LRBA: variants seen among roughly 807,000 people sequenced by gnomAD.
LRBA encodes the protein LPS responsive beige-like anchor protein.
A neutral mutation model predicts 330.0 loss-of-function variants in LRBA; 176 were observed. The ratio of observed to expected loss-of-function variants is 0.53; its 90% CI spans 0.47 to 0.60. LRBA has a LOEUF of 0.60. LRBA is among the 20% of genes least tolerant of loss of function. The pLI is 0.00. For missense variants in LRBA, 3,259 were observed against 3,444.8 expected, an observed-to-expected ratio of 0.95 and a Z score of 1.35; for synonymous variants, 1,230 against 1,193.0, an observed-to-expected ratio of 1.03 and a Z score of -0.64.
intron 19 of LRBA, 75 bp downstream of exon 19, chr4:150,871,270 T>C (rs926391944): frequency 2.6e-6 from 2 of 766,524 alleles, no homozygotes; most frequent in Non-Finnish European, 4.5e-6. Flanking sequence ...TAAATGATCT[T>C]ATTTACCTAC....
chr4:150,532,152 C>T (rs554022988), intron 40 of LRBA, among the ~76,000 whole-genome samples: 136 of 152,250 alleles, frequency 8.9e-4, no homozygotes, highest in Middle Eastern at 3.4e-3. Flanking sequence ...TCATTAATCT[C>T]GTCACCTTAT....
At chr4:150,502,200 C>A (rs558687200) in intron 40 of LRBA, among the ~76,000 whole-genome samples, 1 of 152,284 alleles carries the variant, frequency 6.6e-6, no homozygotes, top group South Asian at 2.1e-4. Context: ...TCAGAGCTCA[C>A]ACAGAATGTA....
At chr4:150,675,679 C>T (rs1164336794) in intron 37 of LRBA, among the ~76,000 whole-genome samples, 1 of 152,012 alleles carries the variant, frequency 6.6e-6, no homozygotes, top group African/African-American at 2.4e-5. Context: ...GATCCCACCA[C>T]TGCACTCCAA....
chr4:150,472,028 C>A (rs1374233690), intron 42 of LRBA, among the ~76,000 whole-genome samples: 1 of 151,924 alleles, frequency 6.6e-6, no homozygotes, highest in Non-Finnish European at 1.5e-5. Flanking sequence ...ATTAATAATT[C>A]ACTGCTTTAA....
intron 37 of LRBA, among the ~76,000 whole-genome samples, chr4:150,669,918 G>T (rs549812928): frequency 1.3e-5 from 2 of 152,220 alleles, no homozygotes; most frequent in African/African-American, 4.8e-5. Context: ...AGAAGACCAT[G>T]GAAGTGCTCT....
chr4:150,302,961 A>C (rs1330515912), intron 52 of LRBA, among the ~76,000 whole-genome samples, 169 bp from the exon 53 acceptor site: 1 of 152,178 alleles, frequency 6.6e-6, no homozygotes, highest in Non-Finnish European at 1.5e-5. Context: ...TGCTAACAAG[A>C]ACAACAAAAA....
At chr4:150,339,236 GA>G (rs1361447937) in intron 48 of LRBA, among the ~76,000 whole-genome samples, 31 of 152,084 alleles carry the variant, frequency 2.0e-4, no homozygotes, top group African/African-American at 7.5e-4. Context: ...AAAATTAAGA[GA>G]TTGGAGGTAC....
intron 36 of LRBA, among the ~76,000 whole-genome samples, chr4:150,723,982 A>G (rs934451890): frequency 6.6e-6 from 1 of 152,178 alleles, no homozygotes; most frequent in Non-Finnish European, 1.5e-5. Flanking sequence ...CTGCCTGTGG[A>G]AAGTGAAGAG....
intron 2 of LRBA, among the ~76,000 whole-genome samples, chr4:151,009,957 G>GGGACAGAGT (rs1338030146): frequency 1.3e-5 from 2 of 151,998 alleles, no homozygotes; most frequent in East Asian, 3.9e-4. Flanking sequence ...TCCAGCATGG[G>GGGACAGAGT]GGACAGAGTG....
intron 55 of LRBA, among the ~76,000 whole-genome samples, chr4:150,279,340 G>A (rs1477367342): frequency 3.3e-5 from 5 of 152,082 alleles, no homozygotes; most frequent in African/African-American, 1.2e-4. Flanking sequence ...GTACCTCCAA[G>A]CCTTGCTTTC....
chr4:150,298,914 A>G (rs2126831987), intron 53 of LRBA, among the ~76,000 whole-genome samples: 1 of 152,248 alleles, frequency 6.6e-6, no homozygotes, highest in Admixed American at 6.5e-5. Flanking sequence ...GATATTATTC[A>G]GATATCTAAA....
At chr4:150,965,347 T>C (rs920866594) in intron 2 of LRBA, among the ~76,000 whole-genome samples, 1 of 151,874 alleles carries the variant, frequency 6.6e-6, no homozygotes, top group African/African-American at 2.4e-5. Flanking sequence ...ATAAGAAAAA[T>C]TATCAGCAAA....
At chr4:151,002,196 CAA>C (rs143587760) in intron 2 of LRBA, among the ~76,000 whole-genome samples, 2 of 24,406 alleles carry the variant, frequency 8.2e-5, no homozygotes, top group Admixed American at 5.8e-4. Flanking sequence ...CATAAAACAG[CAA>C]AAAAAAAAAA....
At chr4:150,611,124 C>T (rs908866602) in intron 37 of LRBA, among the ~76,000 whole-genome samples, 8 of 152,042 alleles carry the variant, frequency 5.3e-5, no homozygotes, top group East Asian at 1.9e-4. Context: ...ACAATCTATA[C>T]GCAGAGACCA....
At chr4:150,270,054 G>T (rs1269550722) in intron 56 of LRBA, among the ~76,000 whole-genome samples, 2 of 152,194 alleles carry the variant, frequency 1.3e-5, no homozygotes, top group Admixed American at 6.5e-5. Context: ...GAGAGACCAC[G>T]CCTGTTAGGA....
intron 40 of LRBA, among the ~76,000 whole-genome samples, chr4:150,551,365 T>C (rs190776972): frequency 1.3e-5 from 2 of 152,252 alleles, no homozygotes; most frequent in African/African-American, 4.8e-5. Context: ...TGGATAAACA[T>C]ATTCAACGAC....
At chr4:150,395,399 T>C (rs1047249921) in intron 47 of LRBA, among the ~76,000 whole-genome samples, 4 of 152,126 alleles carry the variant, frequency 2.6e-5, no homozygotes, top group Admixed American at 2.0e-4. Flanking sequence ...ATGACTCTGA[T>C]ATGTCTCTAG....
chr4:150,794,421 A>G (rs1485868646), intron 34 of LRBA, among the ~76,000 whole-genome samples: 1 of 151,982 alleles, frequency 6.6e-6, no homozygotes, highest in East Asian at 1.9e-4. Flanking sequence ...AATGGAGAAG[A>G]AACTTGGGAT....
At chr4:150,680,577 C>G (rs1254533099) in intron 37 of LRBA, among the ~76,000 whole-genome samples, 3 of 152,076 alleles carry the variant, frequency 2.0e-5, no homozygotes, top group Non-Finnish European at 4.4e-5. Context: ...TTAAGTCTAC[C>G]AACTATAACA....
Sources: gnomAD v4.1 joint callset for allele counts (sites outside exome capture counted in the v4.1 genomes callset) on GRCh38, gnomAD v4.1.1 for gene constraint, MANE v1.5 for transcripts, NCBI Gene and HGNC (gene_info 2026-07-23, HGNC 2026-07-21) for gene names.